Variants in CLNK observed in about 807,000 individuals in gnomAD.
CLNK encodes the protein cytokine dependent hematopoietic cell linker.
In CLNK, 74 loss-of-function variants were observed where a neutral mutation model predicts 68.6. The observed-to-expected ratio is 1.08, with a 90% confidence interval of 0.89 to 1.31. The LOEUF (loss-of-function observed/expected upper bound fraction) is 1.31. CLNK is among the 50% of genes most tolerant of loss of function. The probability of loss-of-function intolerance (pLI) is 0.00; values close to 1 mark genes in which losing one functional copy is unlikely to be tolerated. For missense variants in CLNK, 553 were observed against 515.3 expected, an observed-to-expected ratio of 1.07 and a Z score of -0.71; for synonymous variants, 198 against 172.2, an observed-to-expected ratio of 1.15 and a Z score of -1.17.
chr4:10,577,191 G>T (rs1289488969), intron 4 of CLNK, among the ~76,000 whole-genome samples: 2 of 152,302 alleles, frequency 1.3e-5, no homozygotes, highest in African/African-American at 2.4e-5. Flanking sequence ...AGCCAGACAG[G>T]TTCCCCAAGC....
chr4:10,596,430 A>G (rs1721391442), intron 3 of CLNK, among the ~76,000 whole-genome samples: 1 of 152,226 alleles, frequency 6.6e-6, no homozygotes, highest in Non-Finnish European at 1.5e-5. Context: ...TCCTGATTCA[A>G]TGGACTCATT....
chr4:10,654,515 A>G (rs1284122431), intron 2 of CLNK, among the ~76,000 whole-genome samples: 1 of 150,802 alleles, frequency 6.6e-6, no homozygotes, highest in African/African-American at 2.4e-5. Flanking sequence ...CTCAAGATTT[A>G]GAACACAGGT....
intron 16 of CLNK, among the ~76,000 whole-genome samples, 164 bp from the exon 17 acceptor site, chr4:10,508,200 A>G (rs966472342): frequency 6.6e-6 from 1 of 152,220 alleles, no homozygotes; most frequent in African/African-American, 2.4e-5. Flanking sequence ...GGAGAAGCCC[A>G]CAGATGCTTG....
At chr4:10,534,156 C>A (rs916373230) in intron 11 of CLNK, among the ~76,000 whole-genome samples, 5 of 152,112 alleles carry the variant, frequency 3.3e-5, no homozygotes, top group Admixed American at 3.3e-4. Flanking sequence ...TAGAGCAGTG[C>A]ACTTTATAGA....
At chr4:10,509,587 C>T (rs115380376) in intron 16 of CLNK, among the ~76,000 whole-genome samples, 1,730 of 151,462 alleles carry the variant, frequency 0.011, 23 homozygotes, top group Non-Finnish European at 0.018. Flanking sequence ...TGCAATGGCA[C>T]GATCTCAGCT....
At chr4:10,493,546 C>A (rs1258131936) in intron 18 of CLNK, among the ~76,000 whole-genome samples, 1 of 152,114 alleles carries the variant, frequency 6.6e-6, no homozygotes, top group Non-Finnish European at 1.5e-5. Context: ...CCTTCAAGAC[C>A]AAATCACTTT....
intron 6 of CLNK, 107 bp downstream of exon 6, chr4:10,565,902 G>T: frequency 8.2e-7 from 1 of 1,218,658 alleles, no homozygotes. Flanking sequence ...CATGGGGGCA[G>T]ACGTTAACCT....
At chr4:10,637,832 G>C (rs1175174450) in intron 2 of CLNK, among the ~76,000 whole-genome samples, 1 of 150,676 alleles carries the variant, frequency 6.6e-6, no homozygotes, top group Non-Finnish European at 1.5e-5. Flanking sequence ...TCGATCTCCT[G>C]AATTTGTGAT....
At chr4:10,553,732 G>A (rs1719556539) in intron 8 of CLNK, among the ~76,000 whole-genome samples, 1 of 152,226 alleles carries the variant, frequency 6.6e-6, no homozygotes, top group South Asian at 2.1e-4. Flanking sequence ...GGGATTACAG[G>A]CGTGAGCCAC....
At chr4:10,524,931 G>T (rs1213919911) in intron 14 of CLNK, among the ~76,000 whole-genome samples, 1 of 152,178 alleles carries the variant, frequency 6.6e-6, no homozygotes, top group Non-Finnish European at 1.5e-5. Flanking sequence ...GAGGAAAGTG[G>T]CTTGAACTGA....
At position 10,644,787 on chromosome 4, in the gene CLNK, A is replaced by T. The variant is rs567612216; in HGVS notation, c.11+23072T>A. Among the ~76,000 whole-genome samples the T allele has an allele frequency of 4.6e-5, 7 of 152,388 alleles. 1 individual carries two copies. In the South Asian group the frequency reaches 1.4e-3, roughly 32 times the overall value. On this transcript the variant is annotated intron_variant, in intron 2 of 18. Coordinates refer to ENST00000226951, the MANE Select transcript of CLNK (RefSeq NM_052964.4). ...CTGACTTCATTATGGCTCAGCAAGA[A>T]ATTGAGTGAAGTCAGTTTTTCTGCT...
At chr4:10,690,361 T>G in the CLNK span, among the ~76,000 whole-genome samples, 5 of 152,178 alleles carry the variant, frequency 3.3e-5, no homozygotes, top group African/African-American at 1.2e-4. Context: ...ATAACACGGT[T>G]TCTGACTTTG....
chr4:10,617,570 T>C (rs1390891716), intron 2 of CLNK, among the ~76,000 whole-genome samples: 1 of 152,216 alleles, frequency 6.6e-6, no homozygotes, highest in Non-Finnish European at 1.5e-5. Flanking sequence ...CTCTGGTAAA[T>C]TAAATGGCAA....
chr4:10,717,200 T>A, the CLNK span, among the ~76,000 whole-genome samples: 2 of 152,186 alleles, frequency 1.3e-5, no homozygotes, highest in Non-Finnish European at 2.9e-5. Flanking sequence ...CCTCTCCATG[T>A]CAGTGTCTGT....
chr4:10,511,666 T>C (rs9992681), intron 16 of CLNK, among the ~76,000 whole-genome samples: 1 of 152,342 alleles, frequency 6.6e-6, no homozygotes, highest in African/African-American at 2.4e-5. Context: ...TTTTCAAGGT[T>C]CTTGTATATT....
intron 12 of CLNK, among the ~76,000 whole-genome samples, chr4:10,530,238 G>T (rs1033101385): frequency 4.6e-5 from 7 of 152,020 alleles, no homozygotes; most frequent in Non-Finnish European, 1.0e-4. Flanking sequence ...CCTCTCCGGG[G>T]TTTCATTTTT....
At position 10,630,123 on chromosome 4, in the gene CLNK, G is replaced by A. The variant is rs558445600; in HGVS notation, c.12-32074C>T. ...CACTATGCTCCTACTCCAGAAAATT[G>A]GATTATTGTCTGCAAAGATTCCTCA... On this transcript the variant is annotated intron_variant, in intron 2 of 18. Transcript: ENST00000226951. Among the ~76,000 whole-genome samples the A allele has an allele frequency of 2.6e-5, 4 of 152,244 alleles. No individual in the cohort carries two copies. The South Asian group carries it at 6.2e-4, about 24-fold the overall frequency.
chr4:10,634,856 C>T (rs1723020665), intron 2 of CLNK, among the ~76,000 whole-genome samples: 2 of 152,040 alleles, frequency 1.3e-5, no homozygotes, highest in Admixed American at 6.6e-5. Flanking sequence ...GTAAAATGAG[C>T]AGTTGGACTG....
chr4:10,640,821 C>T (rs527869569), intron 2 of CLNK, among the ~76,000 whole-genome samples: 7 of 152,310 alleles, frequency 4.6e-5, no homozygotes, highest in South Asian at 4.1e-4. Flanking sequence ...TAAACAGCAA[C>T]GTGAAACCTA....
Sources: gnomAD v4.1 joint callset for allele counts (sites outside exome capture counted in the v4.1 genomes callset) on GRCh38, gnomAD v4.1.1 for gene constraint, MANE v1.5 for transcripts, NCBI Gene and HGNC (gene_info 2026-07-23, HGNC 2026-07-21) for gene names.